Variants in STK32B observed in about 807,000 individuals in gnomAD.
STK32B encodes the protein serine/threonine-protein kinase 32B.
Under a neutral mutation model 52.6 loss-of-function variants are expected in STK32B, and 43 were observed. The observed-to-expected ratio is 0.82, with a 90% confidence interval of 0.64 to 1.05. The LOEUF (loss-of-function observed/expected upper bound fraction) is 1.05. Ranked by LOEUF, STK32B falls within the 50% of genes least tolerant of loss-of-function variation. The pLI is 0.00. For synonymous variants in STK32B, 238 were observed against 204.3 expected (o/e 1.17, Z -1.41); for missense variants, 621 against 534.6 (o/e 1.16, Z -1.59).
intron 1 of STK32B, among the ~76,000 whole-genome samples, chr4:5,071,186 G>T (rs569542167): frequency 2.6e-5 from 4 of 152,232 alleles, no homozygotes; most frequent in East Asian, 1.9e-4. Flanking sequence ...CAGTGATCAC[G>T]CTAGGTGCAG....
At chr4:5,147,816 C>T (rs4370072) in intron 2 of STK32B, among the ~76,000 whole-genome samples, 123,454 of 151,892 alleles carry the variant, frequency 0.81, 50,318 homozygotes, top group East Asian at 0.9. Context: ...TTGGATTTGC[C>T]AATATCTTAT....
intron 9 of STK32B, among the ~76,000 whole-genome samples, chr4:5,462,835 CCT>C (rs1485961908): frequency 6.6e-6 from 1 of 152,178 alleles, no homozygotes; most frequent in East Asian, 1.9e-4. Flanking sequence ...CCAAGCATCC[CCT>C]GAGGATAAAG....
the STK32B span, among the ~76,000 whole-genome samples, chr4:5,030,115 T>A: frequency 1.3e-5 from 2 of 152,196 alleles, no homozygotes; most frequent in South Asian, 4.1e-4. Flanking sequence ...ACCTCTTTCC[T>A]TTATAAATTA....
intron 3 of STK32B, among the ~76,000 whole-genome samples, chr4:5,300,907 CT>C (rs1485448826): frequency 1.3e-5 from 2 of 152,116 alleles, no homozygotes; most frequent in East Asian, 1.9e-4. Context: ...TAAATTACCC[CT>C]ATTTATTAAA....
At chr4:5,044,409 C>T in the STK32B span, among the ~76,000 whole-genome samples, 1 of 152,124 alleles carries the variant, frequency 6.6e-6, no homozygotes, top group African/African-American at 2.4e-5. Flanking sequence ...TAACATGTCC[C>T]AGAGGGGACT....
At chr4:5,200,777 A>AC (rs1722076926) in intron 3 of STK32B, among the ~76,000 whole-genome samples, 1 of 152,160 alleles carries the variant, frequency 6.6e-6, no homozygotes, top group South Asian at 2.1e-4. Flanking sequence ...AACAGATTTC[A>AC]CCAAGCATCA....
intron 6 of STK32B, among the ~76,000 whole-genome samples, chr4:5,444,123 C>G (rs59488287): frequency 6.6e-5 from 10 of 152,158 alleles, no homozygotes; most frequent in African/African-American, 2.4e-4. Flanking sequence ...CTGTGGTGGG[C>G]TCCGCCCAGT....
At chr4:5,134,639 C>T (rs1410415873) in intron 1 of STK32B, among the ~76,000 whole-genome samples, 1 of 152,232 alleles carries the variant, frequency 6.6e-6, no homozygotes, top group Non-Finnish European at 1.5e-5. Flanking sequence ...AATACTGTAA[C>T]TTATTCAAAA....
intron 4 of STK32B, among the ~76,000 whole-genome samples, chr4:5,383,752 C>T (rs1452250624): frequency 6.6e-6 from 1 of 152,206 alleles, no homozygotes; most frequent in Non-Finnish European, 1.5e-5. Context: ...CATCCTGAGT[C>T]CTGGACCTCT....
At chr4:5,133,063 G>A (rs1373466217) in intron 1 of STK32B, among the ~76,000 whole-genome samples, 3 of 152,196 alleles carry the variant, frequency 2.0e-5, no homozygotes, top group African/African-American at 7.2e-5. Context: ...CTCCCACAGT[G>A]CTGGGATTAC....
At chr4:5,294,760 T>G (rs28822514) in intron 3 of STK32B, among the ~76,000 whole-genome samples, 11,376 of 152,194 alleles carry the variant, frequency 0.075, 466 homozygotes, top group South Asian at 0.098. Flanking sequence ...TGAATACCCA[T>G]TATTTCTTTC....
chr4:5,161,097 G>A (rs1460903807), intron 2 of STK32B, among the ~76,000 whole-genome samples: 3 of 152,072 alleles, frequency 2.0e-5, no homozygotes, highest in Non-Finnish European at 4.4e-5. Context: ...ATTATACCTC[G>A]GGTTCCCAGG....
intron 3 of STK32B, among the ~76,000 whole-genome samples, chr4:5,321,209 A>G (rs1176243800): frequency 6.6e-6 from 1 of 152,158 alleles, no homozygotes; most frequent in Non-Finnish European, 1.5e-5. Flanking sequence ...GTGTTGGAAG[A>G]TTAAGTGAGA....
chr4:5,137,332 A>G (rs1043999736), intron 1 of STK32B, among the ~76,000 whole-genome samples: 2 of 152,196 alleles, frequency 1.3e-5, no homozygotes, highest in Non-Finnish European at 2.9e-5. Context: ...AGCAGAAGAG[A>G]GGCCACTCCC....
chr4:5,175,783 C>T (rs1560199208), intron 3 of STK32B, among the ~76,000 whole-genome samples: 1 of 152,194 alleles, frequency 6.6e-6, no homozygotes, highest in African/African-American at 2.4e-5. Flanking sequence ...TGCCTGTGCT[C>T]ATATCTCCAG....
At chr4:5,060,195 A>G (rs1220092743) in intron 1 of STK32B, among the ~76,000 whole-genome samples, 7 of 152,020 alleles carry the variant, frequency 4.6e-5, no homozygotes, top group African/African-American at 1.5e-4. Flanking sequence ...CGAACTCCCA[A>G]CCTCAGGTGA....
chr4:5,321,309 A>G (rs1267329719), intron 3 of STK32B, among the ~76,000 whole-genome samples: 2 of 152,234 alleles, frequency 1.3e-5, no homozygotes, highest in African/African-American at 4.8e-5. Flanking sequence ...CTACATAGGA[A>G]GCACTTAGCA....
At chr4:5,468,614 G>A (rs1035683935) in intron 11 of STK32B, among the ~76,000 whole-genome samples, 2 of 152,192 alleles carry the variant, frequency 1.3e-5, no homozygotes, top group African/African-American at 4.8e-5. Context: ...TAAGGTCGGT[G>A]GGGGATGCTG....
intron 6 of STK32B, chr4:5,438,216 G>A (rs1383244828): frequency 2.5e-5 from 21 of 844,052 alleles, no homozygotes; most frequent in East Asian, 1.3e-4. Flanking sequence ...AGAGGAACAG[G>A]CACACACTCT....
Sources: allele counts gnomAD v4.1 joint callset (sites outside exome capture counted in the v4.1 genomes callset), GRCh38; gene constraint gnomAD v4.1.1; transcripts MANE v1.5; gene names NCBI Gene and HGNC (gene_info 2026-07-23, HGNC 2026-07-21).